MICAL3: variants seen among roughly 807,000 people sequenced by gnomAD.
The protein encoded by MICAL3 is [F-actin]-monooxygenase MICAL3.
A neutral mutation model predicts 207.4 loss-of-function variants in MICAL3; 62 were observed. The observed-to-expected ratio is 0.30, with a 90% CI of 0.24 to 0.37. The LOEUF (loss-of-function observed/expected upper bound fraction) is 0.37. Among genes scored for constraint, MICAL3 ranks in the 10% least tolerant of loss-of-function variants. The pLI is 1.00. For synonymous variants in MICAL3, 1,077 were observed against 1,069.3 expected (o/e 1.01, Z -0.14); for missense variants, 2,368 against 2,635.6 (o/e 0.90, Z 2.22).
chr22:17,947,182 C>A (rs1290478557), intron 1 of MICAL3, among the ~76,000 whole-genome samples: 2 of 152,238 alleles, frequency 1.3e-5, no homozygotes. Context: ...CCCAGGCCAG[C>A]CTACAGCCGC....
intron 19 of MICAL3, among the ~76,000 whole-genome samples, chr22:17,859,504 G>C (rs1303382673): frequency 1.3e-5 from 2 of 152,244 alleles, no homozygotes; most frequent in Non-Finnish European, 2.9e-5. Context: ...GTGTGTGTGA[G>C]AAGGGAATAG....
chr22:17,875,671 A>T (rs1343526539), intron 16 of MICAL3: 1 of 389,876 alleles, frequency 2.6e-6, no homozygotes, highest in Non-Finnish European at 4.5e-6. Flanking sequence ...TTATCTAAAT[A>T]CCATGTATAG....
chr22:17,797,593 G>A (rs1403646581), intron 29 of MICAL3, among the ~76,000 whole-genome samples: 1 of 152,258 alleles, frequency 6.6e-6, no homozygotes, highest in Non-Finnish European at 1.5e-5. Flanking sequence ...GTGGCGGTGG[G>A]TGCTGGCTTG....
Position 17,896,729 on chromosome 22 carries a change from G to A in MICAL3, c.1201C>T (p.Leu401=), listed in dbSNP as rs749501657. ...LLVALVGDSL[L]EPFWPMGTGI... Reference sequence around the variant, plus strand: ...CTGCCATGCTTAGCACTCACCTCTAGGAGGCTGTCCCCGACCAGAGCCACT... The same window carrying A: ...CTGCCATGCTTAGCACTCACCTCTAAGAGGCTGTCCCCGACCAGAGCCACT... The change falls in exon 8 of 32, where the codon CTA becomes TTA. Residue 401 remains leucine (L), a synonymous_variant. Transcript: ENST00000441493. 4.3e-6 allele frequency: 7 copies of A among 1,613,366 alleles called. No individual in the cohort carries two copies. Among genetic ancestry groups the A allele is most frequent in the Non-Finnish European group, 5.9e-6 (7 of 1,179,746 alleles).
intron 26 of MICAL3, 94 bp from the exon 27 acceptor site, chr22:17,816,878 G>T: frequency 1.1e-6 from 1 of 914,044 alleles, no homozygotes; most frequent in South Asian, 1.4e-5. Flanking sequence ...AAGGAGGCCG[G>T]GTGGGGGGCT....
chr22:17,836,911 C>T (rs964628001), intron 20 of MICAL3, among the ~76,000 whole-genome samples: 3 of 152,150 alleles, frequency 2.0e-5, no homozygotes, highest in Admixed American at 1.3e-4. Context: ...TCCAAAAGTG[C>T]TGGGAATTAC....
intron 19 of MICAL3, chr22:17,860,579 C>A: frequency 1.0e-6 from 1 of 985,488 alleles, no homozygotes; most frequent in Non-Finnish European, 1.2e-6. Flanking sequence ...CAGTGTCTTG[C>A]AGAAAAGAGC....
chr22:17,876,832 A>C (rs1277972402), intron 16 of MICAL3: 34 of 129,096 alleles, frequency 2.6e-4, no homozygotes, highest in African/African-American at 5.4e-4. Context: ...GAGGTTATGG[A>C]GGTTAGGGAG....
chr22:17,901,662 CCT>C (rs974191150), intron 5 of MICAL3, among the ~76,000 whole-genome samples: 8 of 151,892 alleles, frequency 5.3e-5, no homozygotes, highest in Admixed American at 2.0e-4. Context: ...AGAACGAGAC[CCT>C]GTCTCAAAAA....
chr22:17,860,411 T>C (rs1926390537), intron 19 of MICAL3: 2 of 985,454 alleles, frequency 2.0e-6, no homozygotes, highest in Non-Finnish European at 2.4e-6. Context: ...TCCTCTCCTG[T>C]TGGGCTCTCG....
Position 17,847,320 on chromosome 22 carries a change from T to C in MICAL3, c.2606-5303A>G, listed in dbSNP as rs982746454. Among the ~76,000 whole-genome samples, 9 of 152,364 alleles carry C rather than the reference T, an allele frequency of 5.9e-5. 1 individual carries two copies. Among genetic ancestry groups the C allele is most frequent in the Middle Eastern group, 6.8e-3 (2 of 294 alleles). On this transcript the variant is annotated intron_variant, in intron 19 of 31. Transcript: ENST00000441493. Reference sequence around the variant, plus strand: ...TCCTTCTTTATGAGCTTGGGAAAGTTTGAATGGAATCCGAGTCTGACAAGG... The same window carrying C: ...TCCTTCTTTATGAGCTTGGGAAAGTCTGAATGGAATCCGAGTCTGACAAGG...
At chr22:17,860,370 G>A (rs1926384921) in intron 19 of MICAL3, 1 of 985,320 alleles carries the variant, frequency 1.0e-6, no homozygotes, top group Admixed American at 6.1e-5. Flanking sequence ...CAGTAGACAG[G>A]CAGCAGTGGC....
chr22:17,895,517 C>A, intron 9 of MICAL3, 107 bp from the exon 10 acceptor site: 1 of 1,281,488 alleles, frequency 7.8e-7, no homozygotes, highest in Non-Finnish European at 1.1e-6. Flanking sequence ...ACATGCCTGA[C>A]AAATCCTCAT....
At chr22:17,823,836 G>C (rs1921891969) in intron 22 of MICAL3, among the ~76,000 whole-genome samples, 1 of 152,172 alleles carries the variant, frequency 6.6e-6, no homozygotes, top group Non-Finnish European at 1.5e-5. Flanking sequence ...AACATAATTA[G>C]AGGGACCGTT....
chr22:18,018,169 C>T (rs576236781), intron 1 of MICAL3, among the ~76,000 whole-genome samples: 18 of 152,246 alleles, frequency 1.2e-4, no homozygotes, highest in East Asian at 5.8e-4. Context: ...CCACTGCGCC[C>T]AGCCGATAGA....
intron 19 of MICAL3, among the ~76,000 whole-genome samples, chr22:17,845,510 T>C (rs889598061): frequency 1.3e-5 from 2 of 151,926 alleles, no homozygotes; most frequent in South Asian, 2.1e-4. Flanking sequence ...TGGGAGAACA[T>C]AGAGAGAGTG....
chr22:17,942,423 C>T (rs1364517348), intron 1 of MICAL3, among the ~76,000 whole-genome samples: 1 of 152,178 alleles, frequency 6.6e-6, no homozygotes, highest in African/African-American at 2.4e-5. Context: ...AGACATGCCT[C>T]ACCTCCTCCA....
At chr22:17,936,022 TC>T (rs1474851548) in intron 1 of MICAL3, among the ~76,000 whole-genome samples, 2 of 152,188 alleles carry the variant, frequency 1.3e-5, no homozygotes, top group Non-Finnish European at 2.9e-5. Flanking sequence ...GTGTGGCAAT[TC>T]CTCAAGGATC....
intron 1 of MICAL3, among the ~76,000 whole-genome samples, chr22:17,963,370 G>A (rs1024529333): frequency 1.3e-5 from 2 of 152,080 alleles, no homozygotes; most frequent in African/African-American, 2.4e-5. Context: ...CACCCATGGC[G>A]TGAGATGAAA....
Sources: allele counts gnomAD v4.1 joint callset (sites outside exome capture counted in the v4.1 genomes callset), GRCh38; gene constraint gnomAD v4.1.1; transcripts MANE v1.5; gene names NCBI Gene and HGNC (gene_info 2026-07-23, HGNC 2026-07-21).